NRXN1: variants seen among roughly 807,000 people sequenced by gnomAD.
The protein encoded by NRXN1 is neurexin 1.
In NRXN1, 39 loss-of-function variants were observed where a neutral mutation model predicts 150.9. The ratio of observed to expected loss-of-function variants is 0.26; its 90% CI spans 0.20 to 0.34. NRXN1 has a LOEUF of 0.34. NRXN1 is among the 10% of genes least tolerant of loss of function. The pLI, the probability that NRXN1 is intolerant of heterozygous loss-of-function variation, is 1.00. For missense variants in NRXN1, 1,815 were observed against 1,949.9 expected (o/e 0.93, Z 1.30); for synonymous variants, 924 against 757.0 (o/e 1.22, Z -3.62).
intron 5 of NRXN1, among the ~76,000 whole-genome samples, chr2:50,905,350 G>A (rs150840063): frequency 8.7e-4 from 132 of 152,192 alleles, no homozygotes; most frequent in Admixed American, 2.9e-3. Context: ...GCTATTTAAG[G>A]AACCTGGTAA....
At chr2:50,741,244 C>T (rs556150731) in intron 5 of NRXN1, among the ~76,000 whole-genome samples, 1 of 151,680 alleles carries the variant, frequency 6.6e-6, no homozygotes, top group African/African-American at 2.4e-5. Context: ...ATAAATGATC[C>T]TTTTATTGGT....
intron 5 of NRXN1, among the ~76,000 whole-genome samples, chr2:50,639,197 C>T (rs1245252534): frequency 7.4e-6 from 1 of 134,964 alleles, no homozygotes; most frequent in African/African-American, 2.7e-5. Context: ...ATGCATTTAT[C>T]ATTTTTTTCT....
chr2:50,113,681 G>T (rs1702664020), intron 18 of NRXN1, among the ~76,000 whole-genome samples: 1 of 152,092 alleles, frequency 6.6e-6, no homozygotes, highest in Non-Finnish European at 1.5e-5. Context: ...GGAATATTTT[G>T]GCTATCCTTT....
chr2:50,310,023 G>A (rs997802734), intron 17 of NRXN1, among the ~76,000 whole-genome samples: 1 of 152,052 alleles, frequency 6.6e-6, no homozygotes, highest in South Asian at 2.1e-4. Flanking sequence ...AGTTCCAGAT[G>A]GTATATGTGC....
Position 50,497,500 on chromosome 2 carries a change from T to A in NRXN1, c.2712A>T (p.Ala904=), listed in dbSNP as rs760536778. Residue 904 remains alanine (A), a synonymous_variant, in exon 14 of 23, where the codon GCA becomes GCT. Coordinates refer to ENST00000401669, the MANE Select transcript of NRXN1 (RefSeq NM_001330078.2). The part of the protein sequence containing the change: ...NARFGFRNII[A]DPVTFKTKSS... Reference sequence around the variant, plus strand: ...ATTTGGTCTTGAAGGTGACAGGATCTGCTATGATGTTCCTGAAGCCAAATC... The same window carrying A: ...ATTTGGTCTTGAAGGTGACAGGATCAGCTATGATGTTCCTGAAGCCAAATC... 6.2e-7 allele frequency: 1 copy of A among 1,613,932 alleles called. No individual in the cohort carries two copies. The highest frequency in any genetic ancestry group is 8.5e-7 in the Non-Finnish European group (1 of 1,179,828).
At position 50,620,139 on chromosome 2, in the gene NRXN1, C is replaced by G. The variant is rs201033822; in HGVS notation, c.1203G>C (p.Thr401=). 2.5e-6 allele frequency: 4 copies of G among 1,613,338 alleles called. No homozygotes were observed. The highest frequency in any genetic ancestry group is 1.3e-5 in the African/African-American group (1 of 74,894). ...VDGILTTTGY[T]QEDYTMLGSD... ...ACCCCAGCATGGTATAATCTTCTTGCGTGTAGCCCGTTGTGGTAAGAATCC... is the reference window on the plus strand; with the variant it reads ...ACCCCAGCATGGTATAATCTTCTTGGGTGTAGCCCGTTGTGGTAAGAATCC... Residue 401 remains threonine, a synonymous_variant, in exon 8 of 23, where the codon ACG becomes ACC. Coordinates refer to ENST00000401669, the MANE Select transcript of NRXN1 (RefSeq NM_001330078.2).
rs548372303 is a variant in NRXN1, at chr2:50,200,363, A to C, written c.3546+36426T>G. On this transcript the variant is annotated intron_variant, in intron 18 of 22. Coordinates refer to ENST00000401669, the MANE Select transcript of NRXN1 (RefSeq NM_001330078.2). ...GGAGTCATAATTAATTGGCCTCATT[A>C]CTGTTTCTACTATGAAATACAGTCT... 2.6e-5 allele frequency among the ~76,000 whole-genome samples: 4 copies of C among 152,300 alleles called. No individual in the cohort carries two copies. The South Asian group carries it at 8.3e-4, about 32-fold the overall frequency.
At chr2:50,582,478 CAAAAAAAAAAAAAAA>C (rs56941425) in intron 8 of NRXN1, among the ~76,000 whole-genome samples, 1 of 44,222 alleles carries the variant, frequency 2.3e-5, no homozygotes, top group Non-Finnish European at 3.7e-5. Context: ...GACTCGTCTC[CAAAAAAAAAAAAAAA>C]AAAAAAAAAA....
At chr2:50,851,665 T>C (rs1024819481) in intron 5 of NRXN1, among the ~76,000 whole-genome samples, 5 of 151,954 alleles carry the variant, frequency 3.3e-5, no homozygotes, top group African/African-American at 1.2e-4. Flanking sequence ...AATAAACGGA[T>C]AAATTCCTAA....
intron 18 of NRXN1, among the ~76,000 whole-genome samples, chr2:50,170,077 A>G (rs933361025): frequency 1.6e-4 from 25 of 152,018 alleles, no homozygotes; most frequent in African/African-American, 5.3e-4. Flanking sequence ...TTACTTCTAT[A>G]TAATAAAAGT....
chr2:50,216,272 T>C (rs2063392429), intron 18 of NRXN1, among the ~76,000 whole-genome samples: 1 of 152,026 alleles, frequency 6.6e-6, no homozygotes, highest in South Asian at 2.1e-4. Context: ...ATGAGTTAAT[T>C]ATCTCAAATG....
At chr2:50,127,239 T>G (rs1449757800) in intron 18 of NRXN1, among the ~76,000 whole-genome samples, 3 of 152,034 alleles carry the variant, frequency 2.0e-5, no homozygotes, top group Admixed American at 6.6e-5. Context: ...CAAGGTAAAA[T>G]AAAAAGAAAA....
chr2:50,400,242 T>A (rs1366582961), intron 17 of NRXN1, among the ~76,000 whole-genome samples: 1 of 152,140 alleles, frequency 6.6e-6, no homozygotes. Flanking sequence ...ACTGACATAT[T>A]TCCCATATTC....
intron 5 of NRXN1, among the ~76,000 whole-genome samples, chr2:50,858,171 G>A (rs1474469117): frequency 2.6e-5 from 4 of 151,700 alleles, no homozygotes. Flanking sequence ...TCAACAGGCT[G>A]GTTGAATTAA....
intron 17 of NRXN1, among the ~76,000 whole-genome samples, chr2:50,316,611 T>A (rs1041823825): frequency 6.6e-6 from 1 of 152,016 alleles, no homozygotes; most frequent in South Asian, 2.1e-4. Context: ...TGTAATAAAA[T>A]ATGAAACCCA....
At chr2:50,861,775 G>A (rs577518286) in intron 5 of NRXN1, among the ~76,000 whole-genome samples, 1 of 152,138 alleles carries the variant, frequency 6.6e-6, no homozygotes, top group South Asian at 2.1e-4. Flanking sequence ...TTTTCCTACT[G>A]TTTGTGACAT....
chr2:50,945,239 C>G (rs899454271), intron 2 of NRXN1, among the ~76,000 whole-genome samples: 2 of 152,144 alleles, frequency 1.3e-5, no homozygotes, highest in African/African-American at 4.8e-5. Context: ...ATTTGGGAGG[C>G]CAAGGCAGGA....
At chr2:50,291,768 A>C (rs903940552) in intron 17 of NRXN1, among the ~76,000 whole-genome samples, 2 of 152,112 alleles carry the variant, frequency 1.3e-5, no homozygotes, top group Non-Finnish European at 2.9e-5. Context: ...CCAGGAACTT[A>C]AGTCACAGGA....
At chr2:50,373,448 A>G (rs1446616650) in intron 17 of NRXN1, among the ~76,000 whole-genome samples, 2 of 149,578 alleles carry the variant, frequency 1.3e-5, no homozygotes, top group South Asian at 2.1e-4. Context: ...TCTGCTCCCT[A>G]GCTCCCATAC....
Sources: allele counts gnomAD v4.1 joint callset (sites outside exome capture counted in the v4.1 genomes callset), GRCh38; gene constraint gnomAD v4.1.1; transcripts MANE v1.5; gene names NCBI Gene and HGNC (gene_info 2026-07-23, HGNC 2026-07-21).